DAB2IP: variants seen among roughly 807,000 people sequenced by gnomAD.
DAB2IP encodes the protein disabled homolog 2-interacting protein.
DAB2IP carries 28 observed loss-of-function variants against 107.2 expected under a neutral mutation model. The observed-to-expected ratio is 0.26, with a 90% CI of 0.19 to 0.36. DAB2IP has a LOEUF of 0.36. Ranked by LOEUF, DAB2IP falls within the 10% of genes least tolerant of loss-of-function variation. The probability of loss-of-function intolerance (pLI) is 1.00; values close to 1 mark genes in which losing one functional copy is unlikely to be tolerated. For missense variants in DAB2IP, 1,400 were observed against 1,644.7 expected, an observed-to-expected ratio of 0.85 and a Z score of 2.57; for synonymous variants, 755 against 706.4, an observed-to-expected ratio of 1.07 and a Z score of -1.09.
chr9:121,773,313 CCTG>C, exon 12 of DAB2IP: 1 of 1,506,668 alleles, frequency 6.6e-7, no homozygotes, highest in Admixed American at 2.0e-5. Context: ...GCCGCCACCT[CCTG>C]CCCCCCGCGG....
rs879837017 is a variant in DAB2IP at position 121,599,564 on chromosome 9, G to A, written c.40+32336G>A. 2.0e-4 allele frequency among the ~76,000 whole-genome samples: 30 copies of A among 152,008 alleles called. No homozygotes were observed. Among genetic ancestry groups the A allele is most frequent in the Non-Finnish European group, 3.5e-4 (24 of 67,888 alleles). On this transcript the variant is annotated intron_variant, in intron 1 of 16. Transcript: ENST00000259371. The surrounding 1 kb of genome is among the most constrained non-coding windows in gnomAD (Gnocchi z 6.9). ...AGAGCGGCGGCGCCGGGGGAGGCGC[G>A]GAGCCGGCCGTAGCGCGCTCCTGCC...
At chr9:121,595,474 G>A (rs1252397236) in intron 1 of DAB2IP, among the ~76,000 whole-genome samples, 3 of 152,042 alleles carry the variant, frequency 2.0e-5, no homozygotes. Flanking sequence ...ATGGTGGCGT[G>A]TGCCTGTAGT....
At chr9:121,591,451 C>T (rs1163389430) in intron 1 of DAB2IP, among the ~76,000 whole-genome samples, 1 of 152,100 alleles carries the variant, frequency 6.6e-6, no homozygotes, top group Non-Finnish European at 1.5e-5. Context: ...CCTTGGGCAA[C>T]AGAGTGAGAC....
chr9:121,606,065 G>C (rs1171088270), intron 1 of DAB2IP, among the ~76,000 whole-genome samples: 1 of 152,212 alleles, frequency 6.6e-6, no homozygotes, highest in Non-Finnish European at 1.5e-5. Context: ...TACTAAGGTT[G>C]GGTGTGCTGG....
At chr9:121,721,222 T>C (rs550474886) in intron 3 of DAB2IP, among the ~76,000 whole-genome samples, 21 of 152,326 alleles carry the variant, frequency 1.4e-4, no homozygotes, top group African/African-American at 5.1e-4. Context: ...GGATGCAGCC[T>C]GAAGGCTCAC....
rs1287574419 is a variant in DAB2IP at position 121,776,345 on chromosome 9, C to T, written c.3268C>T (p.Arg1090Trp). The change falls in exon 14 of 16, where the codon CGG (arginine) becomes TGG (tryptophan). Residue 1090 changes from arginine (R) to tryptophan (W), a missense_variant. Physicochemically the swap from Arg to Trp is moderately radical, Grantham distance 101. Around this residue, in one of 3 missense-constraint regions of DAB2IP, gnomAD observed 600 missense variants for 659.1 expected, o/e 0.91. Transcript: ENST00000408936. The surrounding 1 kb of genome is among the most constrained non-coding windows in gnomAD (Gnocchi z 5.4). ...GGAGGAGGGCGAGGAGCGGCTGCGG[C>T]GGCAGCAGGAGGACAAGGACATCCA... 7.1e-6 allele frequency: 11 copies of T among 1,553,304 alleles called. No individual in the cohort carries two copies. Among genetic ancestry groups the T allele is most frequent in the African/African-American group, 1.4e-5 (1 of 73,256 alleles).
At chr9:121,639,518 C>T (rs1469451559) in intron 1 of DAB2IP, among the ~76,000 whole-genome samples, 3 of 152,186 alleles carry the variant, frequency 2.0e-5, no homozygotes, top group African/African-American at 7.2e-5. Context: ...GAATGCCAGT[C>T]ACGGCTGCTG....
intron 1 of DAB2IP, among the ~76,000 whole-genome samples, chr9:121,608,551 G>A (rs538840795): frequency 1.8e-4 from 28 of 152,236 alleles, no homozygotes; most frequent in South Asian, 1.0e-3. Context: ...GGGGGGGTAA[G>A]GTAGTGATGG....
intron 1 of DAB2IP, among the ~76,000 whole-genome samples, chr9:121,595,119 A>G (rs1830501302): frequency 6.6e-6 from 1 of 152,148 alleles, no homozygotes; most frequent in Non-Finnish European, 1.5e-5. Flanking sequence ...GCACTTCCTC[A>G]TGAGCCAGTC....
rs998482915 is a variant in DAB2IP at position 121,736,545 on chromosome 9, G to C, written c.363-20468G>C. 5.9e-5 allele frequency among the ~76,000 whole-genome samples: 9 copies of C among 151,580 alleles called. No homozygotes were observed. In the South Asian group the frequency reaches 8.3e-4, roughly 14 times the overall value. On this transcript the variant is annotated intron_variant, in intron 3 of 15. Coordinates refer to ENST00000408936, the Ensembl canonical transcript of DAB2IP. This position sits in a 1 kb window ranked among gnomAD's most constrained non-coding sequence, Gnocchi z 4.6. ...AGGGCTGGGCCTACTGCTGTGGGGT[G>C]GGGGGCGGGTGGGAGGGCCCGGAGG...
At chr9:121,639,087 T>C (rs1478618422) in intron 1 of DAB2IP, among the ~76,000 whole-genome samples, 1 of 152,218 alleles carries the variant, frequency 6.6e-6, no homozygotes. Flanking sequence ...CTGTGTGGGA[T>C]TGAATCCTGT....
chr9:121,585,061 T>C (rs764040076), intron 1 of DAB2IP, among the ~76,000 whole-genome samples: 27 of 152,118 alleles, frequency 1.8e-4, no homozygotes, highest in Non-Finnish European at 3.8e-4. Context: ...CGTGCCACTG[T>C]GCCCAGCAGC....
chr9:121,782,576 C>T lies in DAB2IP; in HGVS notation c.*78C>T. Reference sequence around the variant, plus strand: ...AGGGCAGGGTCTCGGCCTGGGGAGGCACCCACGGTTGCAGCCCCAGCGCGG... The same window carrying T: ...AGGGCAGGGTCTCGGCCTGGGGAGGTACCCACGGTTGCAGCCCCAGCGCGG... On this transcript the variant is annotated 3_prime_UTR_variant, in exon 16 of 16. Coordinates refer to ENST00000408936, the Ensembl canonical transcript of DAB2IP. This position sits in a 1 kb window ranked among gnomAD's most constrained non-coding sequence, Gnocchi z 6.1. The T allele has an allele frequency of 7.0e-6, 11 of 1,563,946 alleles. No homozygotes were observed. Among genetic ancestry groups the T allele is most frequent in the Non-Finnish European group, 9.6e-6 (11 of 1,151,144 alleles).
intron 6 of DAB2IP, among the ~76,000 whole-genome samples, chr9:121,762,386 C>T (rs1833961173): frequency 6.6e-6 from 1 of 152,154 alleles, no homozygotes; most frequent in African/African-American, 2.4e-5. Flanking sequence ...GGAGATGCAC[C>T]TCTGACCCCC....
intron 1 of DAB2IP, among the ~76,000 whole-genome samples, chr9:121,626,831 G>A (rs1467245135): frequency 6.6e-6 from 1 of 152,036 alleles, no homozygotes; most frequent in Non-Finnish European, 1.5e-5. Context: ...CACTGACTTT[G>A]GAGGAAAAGG....
intron 1 of DAB2IP, among the ~76,000 whole-genome samples, chr9:121,567,807 TAA>T: frequency 6.6e-6 from 1 of 152,100 alleles, no homozygotes; most frequent in Admixed American, 6.5e-5. Context: ...GAGGGATTTA[TAA>T]GACTCGGAAG....
chr9:121,667,376 C>T (rs1388087062), intron 1 of DAB2IP, among the ~76,000 whole-genome samples: 1 of 151,974 alleles, frequency 6.6e-6, no homozygotes, highest in Non-Finnish European at 1.5e-5. Context: ...TTCACCTGGC[C>T]CCTCCCTCGG....
chr9:121,769,326 A>T (rs1313660316), intron 10 of DAB2IP, among the ~76,000 whole-genome samples: 1 of 152,216 alleles, frequency 6.6e-6, no homozygotes, highest in Non-Finnish European at 1.5e-5. Flanking sequence ...ACTGGTATGC[A>T]GCCTTCTGGA....
chr9:121,661,395 G>A, intron 1 of DAB2IP, among the ~76,000 whole-genome samples: 1 of 152,046 alleles, frequency 6.6e-6, no homozygotes, highest in East Asian at 1.9e-4. Context: ...CACAATTGTA[G>A]GTTTAGCAGC....
Sources: allele counts gnomAD v4.1 joint callset (sites outside exome capture counted in the v4.1 genomes callset), GRCh38; gene constraint gnomAD v4.1.1; regional missense constraint gnomAD v4.1.1; non-coding constraint Gnocchi (gnomAD v3.1); transcripts MANE v1.5; gene names NCBI Gene and HGNC (gene_info 2026-07-23, HGNC 2026-07-21).